Variants in GRM8 observed in about 807,000 individuals in gnomAD.
The protein encoded by GRM8 is glutamate metabotropic receptor 8.
GRM8 carries 47 observed loss-of-function variants against 87.2 expected under a neutral mutation model. The ratio of observed to expected loss-of-function variants is 0.54; its 90% CI spans 0.43 to 0.69. GRM8 has a LOEUF of 0.69. Among genes scored for constraint, GRM8 ranks in the 30% least tolerant of loss-of-function variants. The pLI is 0.00. For missense variants in GRM8, 1,019 were observed against 1,139.2 expected, an observed-to-expected ratio of 0.89 and a Z score of 1.52; for synonymous variants, 396 against 404.5, an observed-to-expected ratio of 0.98 and a Z score of 0.25.
intron 8 of GRM8, among the ~76,000 whole-genome samples, chr7:126,538,386 C>T (rs1816098048): frequency 6.6e-6 from 1 of 152,074 alleles, no homozygotes; most frequent in South Asian, 2.1e-4. Context: ...AGAATGATTA[C>T]AAGAATGTTG....
At chr7:127,112,107 C>G (rs766651841) in intron 2 of GRM8, 1 of 152,188 alleles carries the variant, frequency 6.6e-6, no homozygotes, top group Admixed American at 6.5e-5. Context: ...TAGAATATAG[C>G]CCAGACCTCC....
chr7:126,943,340 G>A (rs549535629), intron 3 of GRM8, among the ~76,000 whole-genome samples: 26 of 152,270 alleles, frequency 1.7e-4, no homozygotes, highest in African/African-American at 6.0e-4. Context: ...CAAGCAGCCA[G>A]GGACTGTGGG....
At chr7:127,156,102 G>A in intron 2 of GRM8, among the ~76,000 whole-genome samples, 1 of 152,184 alleles carries the variant, frequency 6.6e-6, no homozygotes, top group East Asian at 1.9e-4. Flanking sequence ...ACTCTGAGGA[G>A]AAAGAGATTG....
intron 7 of GRM8, among the ~76,000 whole-genome samples, chr7:126,753,900 C>T (rs1450504713): frequency 1.3e-5 from 2 of 151,910 alleles, no homozygotes; most frequent in East Asian, 3.9e-4. Flanking sequence ...ATGCATCAAT[C>T]TTTATGTATT....
intron 3 of GRM8, among the ~76,000 whole-genome samples, chr7:126,914,428 C>G (rs1225200975): frequency 2.0e-5 from 3 of 152,150 alleles, no homozygotes; most frequent in Non-Finnish European, 2.9e-5. Context: ...GATATCTACC[C>G]AAAGGAAAAG....
intron 6 of GRM8, among the ~76,000 whole-genome samples, chr7:126,821,828 C>T (rs1198479273): frequency 1.3e-5 from 2 of 152,110 alleles, no homozygotes; most frequent in African/African-American, 4.8e-5. Flanking sequence ...CGGATCTGAC[C>T]AGTTTTTTCA....
intron 3 of GRM8, among the ~76,000 whole-genome samples, chr7:126,962,386 A>G (rs192685034): frequency 2.0e-5 from 3 of 152,388 alleles, no homozygotes; most frequent in Admixed American, 2.0e-4. Context: ...TGAAAAGCAA[A>G]GCAAAAATAA....
intron 3 of GRM8, among the ~76,000 whole-genome samples, chr7:126,984,028 T>A (rs1466998950): frequency 2.0e-5 from 3 of 147,614 alleles, no homozygotes; most frequent in Non-Finnish European, 3.1e-5. Flanking sequence ...ACCAAGAAAA[T>A]ATCTTCATTT....
chr7:126,870,371 C>A (rs545006612), intron 6 of GRM8: 1 of 152,274 alleles, frequency 6.6e-6, no homozygotes, highest in African/African-American at 2.4e-5. Flanking sequence ...AGAATTTTCC[C>A]TTTGCATCTA....
intron 2 of GRM8, among the ~76,000 whole-genome samples, chr7:127,160,442 C>T (rs867171971): frequency 1.3e-5 from 2 of 152,124 alleles, no homozygotes; most frequent in African/African-American, 4.8e-5. Context: ...AGGCCATTAC[C>T]TCAGAAAATA....
Position 127,079,925 on chromosome 7 carries a change from G to A in GRM8, c.727+26571C>T, listed in dbSNP as rs140305279. 4.6e-5 allele frequency among the ~76,000 whole-genome samples: 7 copies of A among 152,188 alleles called. No homozygotes were observed. In the East Asian group the frequency reaches 1.2e-3, roughly 25 times the overall value. On this transcript the variant is annotated intron_variant, in intron 3 of 10. Coordinates refer to ENST00000339582, the MANE Select transcript of GRM8 (RefSeq NM_000845.3). The stretch of plus-strand genomic sequence containing the variant: ...CAATGTCCTTTGGAGGAACATAAAC[G>A]ATTGTAACACCTAAGATTATTTTTG...
intron 3 of GRM8, among the ~76,000 whole-genome samples, chr7:127,078,431 A>G (rs1337899834): frequency 6.6e-6 from 1 of 152,274 alleles, no homozygotes; most frequent in African/African-American, 2.4e-5. Context: ...CTGAATCTTC[A>G]GAGCAGCTCC....
intron 7 of GRM8, among the ~76,000 whole-genome samples, chr7:126,672,326 T>C (rs965119992): frequency 5.9e-5 from 9 of 152,176 alleles, no homozygotes; most frequent in African/African-American, 2.2e-4. Flanking sequence ...CTCTTCCCTC[T>C]CTTCCTCATG....
At chr7:127,123,990 C>T (rs2133193289) in intron 2 of GRM8, among the ~76,000 whole-genome samples, 1 of 152,260 alleles carries the variant, frequency 6.6e-6, no homozygotes, top group African/African-American at 2.4e-5. Context: ...TTGAGCTTGA[C>T]ACTGTAGATT....
At chr7:126,690,978 A>C (rs1256113891) in intron 7 of GRM8, among the ~76,000 whole-genome samples, 3 of 152,124 alleles carry the variant, frequency 2.0e-5, no homozygotes, top group Admixed American at 6.5e-5. Context: ...GGCCCAGAAA[A>C]AGCACGGCAA....
intron 6 of GRM8, among the ~76,000 whole-genome samples, chr7:126,886,596 C>T (rs1381123308): frequency 6.6e-6 from 1 of 152,076 alleles, no homozygotes; most frequent in East Asian, 1.9e-4. Context: ...TCTGAACAGG[C>T]TACATAAATC....
chr7:127,134,997 T>A (rs1260871350), intron 2 of GRM8, among the ~76,000 whole-genome samples: 1 of 152,118 alleles, frequency 6.6e-6, no homozygotes, highest in African/African-American at 2.4e-5. Flanking sequence ...AAAAGATTTT[T>A]ATGTTTAACA....
At chr7:126,773,788 G>T (rs1475167623) in intron 6 of GRM8, among the ~76,000 whole-genome samples, 1 of 152,028 alleles carries the variant, frequency 6.6e-6, no homozygotes, top group Non-Finnish European at 1.5e-5. Flanking sequence ...TTGATGTCAG[G>T]AGTTCAAGAC....
chr7:126,508,251 GCACACACACACACACACACGCAAA>G (rs1311599849), intron 9 of GRM8, among the ~76,000 whole-genome samples: 30 of 150,352 alleles, frequency 2.0e-4, no homozygotes, highest in Non-Finnish European at 2.7e-4. Flanking sequence ...ACACACACTG[GCACACACACACACACACACGCAAA>G]CACACATTGA....
Sources: gnomAD v4.1 joint callset for allele counts (sites outside exome capture counted in the v4.1 genomes callset) on GRCh38, gnomAD v4.1.1 for gene constraint, MANE v1.5 for transcripts, NCBI Gene and HGNC (gene_info 2026-07-23, HGNC 2026-07-21) for gene names.